The following PCDHGA12 variants were observed in gnomAD, a reference collection of about 807,000 sequenced individuals.
PCDHGA12 encodes protocadherin gamma-A12.
In PCDHGA12, 43 loss-of-function variants were observed where a neutral mutation model predicts 61.1. That is an observed-to-expected ratio of 0.70 (90% CI 0.55 to 0.91). The LOEUF (loss-of-function observed/expected upper bound fraction) is 0.91, where lower values mean the gene tolerates loss of function less well. Among genes scored for constraint, PCDHGA12 ranks in the 40% least tolerant of loss-of-function variants. PCDHGA12 has a pLI of 0.00. For synonymous variants in PCDHGA12, 520 were observed against 542.9 expected (o/e 0.96, Z 0.59); for missense variants, 1,236 against 1,227.7 (o/e 1.01, Z -0.10).
intron 2 of PCDHGA12, among the ~76,000 whole-genome samples, chr5:141,499,029 A>G (rs140948405): frequency 1.5e-3 from 205 of 140,068 alleles, no homozygotes; most frequent in African/African-American, 5.5e-3. Context: ...AGGAAGGAAG[A>G]AAAGAAAGAA....
In PCDHGA12 at chr5:141,489,561, G is replaced by A. The variant is rs1750812409; in HGVS notation, c.2425-5246G>A. 6.2e-7 allele frequency: 1 copy of A among 1,614,106 alleles called. No homozygotes were observed. Among genetic ancestry groups the A allele is most frequent in the Non-Finnish European group, 8.5e-7 (1 of 1,180,026 alleles). On this transcript the variant is annotated intron_variant, in intron 1 of 3. Coordinates refer to ENST00000252085, the MANE Select transcript of PCDHGA12 (RefSeq NM_003735.3). The surrounding 1 kb of genome is among the most constrained non-coding windows in gnomAD (Gnocchi z 4.5). Reference sequence around the variant, plus strand: ...GCACCAGCTGCCTGCTGCCAGTGCAGGTGGTGACTGAACACCCCCTGGAGC... The same window carrying A: ...GCACCAGCTGCCTGCTGCCAGTGCAAGTGGTGACTGAACACCCCCTGGAGC...
intron 1 of PCDHGA12, among the ~76,000 whole-genome samples, chr5:141,454,268 G>A (rs2098785692): frequency 6.6e-6 from 1 of 152,126 alleles, no homozygotes; most frequent in African/African-American, 2.4e-5. Context: ...AGTAATGCCA[G>A]CAAAAACTTC....
intron 3 of PCDHGA12, chr5:141,507,418 A>T (rs2099860509): frequency 6.6e-6 from 1 of 152,204 alleles, no homozygotes; most frequent in Non-Finnish European, 1.5e-5. Context: ...CTGTGAGGTT[A>T]AGTGGGGCCA....
rs2097292247 is a variant in PCDHGA12, at chr5:141,430,551, C to T, written c.-209C>T. 4.9e-6 allele frequency: 2 copies of T among 406,412 alleles called. No homozygotes were observed. The highest frequency in any genetic ancestry group is 4.1e-5 in the Admixed American group (1 of 24,546). The allele number at this position is 406,412 out of a possible 1,614,324, so 25.2% of individuals were successfully genotyped here. A position where few individuals can be genotyped will look rare whatever the true frequency, so the allele number is the denominator to read the frequency against. On this transcript the variant is annotated 5_prime_UTR_variant, in exon 1 of 4. Transcript: ENST00000252085. ...TTAGGACTCTGAGCGCCGCTGTTCA[C>T]CAATCGGGGAGAGAAAAGCGGAGAT... is the stretch of plus-strand genomic sequence containing the variant.
chr5:141,505,190 G>A (rs1326515866), intron 2 of PCDHGA12, among the ~76,000 whole-genome samples: 1 of 152,186 alleles, frequency 6.6e-6, no homozygotes, highest in East Asian at 1.9e-4. Flanking sequence ...ATCGGAGGCA[G>A]CAAAGAGCTG....
rs2099629299 is a variant in PCDHGA12, at chr5:141,486,426, A to G, written c.2425-8381A>G. ...GCTGGACCCTTGGATCGAGAGGCCA[A>G]ATCTAGCTATGACATCATGGTCACT... On this transcript the variant is annotated intron_variant, in intron 1 of 3. Transcript: ENST00000252085. The surrounding 1 kb of genome is among the most constrained non-coding windows in gnomAD (Gnocchi z 5.0). 1.9e-6 allele frequency: 3 copies of G among 1,614,190 alleles called. No individual in the cohort carries two copies. Among genetic ancestry groups the G allele is most frequent in the Non-Finnish European group, 2.5e-6 (3 of 1,180,026 alleles).
In PCDHGA12 at chr5:141,438,090, A is replaced by G. The variant is rs560861677; in HGVS notation, c.2424+4907A>G. 1.2e-4 allele frequency among the ~76,000 whole-genome samples: 18 copies of G among 152,310 alleles called. No individual in the cohort carries two copies. In the South Asian group the frequency reaches 3.5e-3, roughly 30 times the overall value. ...CATACTTAATGGAAAATTACCAGTA[A>G]CAGGGCATACTGTTTAGGATGCATT... On this transcript the variant is annotated intron_variant, in intron 1 of 3. Coordinates refer to ENST00000252085, the MANE Select transcript of PCDHGA12 (RefSeq NM_003735.3).
chr5:141,500,258 G>A lies in PCDHGA12; in HGVS notation c.2484-5135G>A, dbSNP rs2099798463. On this transcript the variant is annotated intron_variant, in intron 2 of 3. Coordinates refer to ENST00000252085, the MANE Select transcript of PCDHGA12 (RefSeq NM_003735.3). ...TAGCCTTGCTCTGTCACCCAGGCTG[G>A]ACTGCAGTGGCGCAATCTCGGCTCA... Among the ~76,000 whole-genome samples the A allele has an allele frequency of 2.0e-5, 3 of 150,738 alleles. No homozygotes were observed. In the South Asian group the frequency reaches 6.3e-4, roughly 32 times the overall value.
intron 1 of PCDHGA12, among the ~76,000 whole-genome samples, chr5:141,450,812 T>A (rs2098694727): frequency 7.5e-6 from 1 of 133,924 alleles, no homozygotes; most frequent in Admixed American, 7.4e-5. Context: ...ATTTATTTAT[T>A]TAATATTATT....
intron 1 of PCDHGA12, among the ~76,000 whole-genome samples, chr5:141,481,245 T>C (rs1362728826): frequency 6.6e-6 from 1 of 152,194 alleles, no homozygotes; most frequent in East Asian, 1.9e-4. Context: ...TTACATAGCA[T>C]AGCTCTAAAA....
chr5:141,507,613 T>G (rs1003099044), intron 3 of PCDHGA12, among the ~76,000 whole-genome samples: 1 of 152,248 alleles, frequency 6.6e-6, no homozygotes, highest in African/African-American at 2.4e-5. Context: ...ACAGGTATAT[T>G]TAGCTGTTGT....
chr5:141,505,210 A>G (rs899138393), intron 2 of PCDHGA12, among the ~76,000 whole-genome samples, 183 bp from the exon 3 acceptor site: 3 of 152,192 alleles, frequency 2.0e-5, no homozygotes, highest in African/African-American at 7.2e-5. Flanking sequence ...GGTTTGAGGG[A>G]CTGACTTGTG....
chr5:141,436,035 A>G (rs957896521), intron 1 of PCDHGA12, among the ~76,000 whole-genome samples: 3 of 152,178 alleles, frequency 2.0e-5, no homozygotes, highest in Non-Finnish European at 4.4e-5. Flanking sequence ...CTAAATTTGT[A>G]TTTACATTAG....
chr5:141,477,978 T>A lies in PCDHGA12; in HGVS notation c.2425-16829T>A. ...TCCCCTAACCAGAGCCTTTTTGCCA[T>A]AGGGCTGCACACTGGTCAAATCAGT... is the stretch of plus-strand genomic sequence containing the variant. On this transcript the variant is annotated intron_variant, in intron 1 of 3. Transcript: ENST00000252085. The surrounding 1 kb of genome is among the most constrained non-coding windows in gnomAD (Gnocchi z 4.9). The A allele has an allele frequency of 6.2e-7, 1 of 1,614,120 alleles. No individual in the cohort carries two copies. Among genetic ancestry groups the A allele is most frequent in the Non-Finnish European group, 8.5e-7 (1 of 1,180,022 alleles).
In PCDHGA12 at chr5:141,485,049, G is replaced by C. The variant is rs1271101804; in HGVS notation, c.2425-9758G>C. On this transcript the variant is annotated intron_variant, in intron 1 of 3. Coordinates refer to ENST00000252085, the MANE Select transcript of PCDHGA12 (RefSeq NM_003735.3). The surrounding 1 kb of genome is among the most constrained non-coding windows in gnomAD (Gnocchi z 5.7). ...AACGGCGCGTAACCCTTGCGGCGCC[G>C]GCCGAACCGCGCCAGAGCTGGCGCG... 1 of 780,438 alleles carries C rather than the reference G, an allele frequency of 1.3e-6. No homozygotes were observed. The highest frequency in any genetic ancestry group is 2.1e-6 in the Non-Finnish European group (1 of 469,234). The allele number at this position is 780,438 out of a possible 1,614,324, so 48.3% of individuals were successfully genotyped here. A position where few individuals can be genotyped will look rare whatever the true frequency, so the allele number is the denominator to read the frequency against.
rs1442570663 is a variant in PCDHGA12, at chr5:141,438,613, TATATATATATATATATATATATACACAC to T, written c.2424+5432_2424+5459del. On this transcript the variant is annotated intron_variant, in intron 1 of 3. Transcript: ENST00000252085. Reference sequence around the variant, plus strand: ...ATACATATATATATATATATATATATATATATATATATATATATATATACACACACACACACACATATATGTATATATA... The same window carrying T: ...ATACATATATATATATATATATATATACACACACACATATATGTATATATA... Among the ~76,000 whole-genome samples, 243 of 36,492 alleles carry T rather than the reference TATATATATATATATATATATATACACAC, an allele frequency of 6.7e-3. 7 individuals are homozygous for T. The highest frequency in any genetic ancestry group is 0.033 in the East Asian group (37 of 1,124). The allele number at this position is 36,492 out of a possible 152,430, so 23.9% of individuals were successfully genotyped here.
chr5:141,494,656 C>CT, intron 1 of PCDHGA12, 151 bp from the exon 2 acceptor site: 1 of 1,478,476 alleles, frequency 6.8e-7, no homozygotes, highest in Non-Finnish European at 9.1e-7. Flanking sequence ...TGTATTTTGT[C>CT]TTTGGAGATG....
chr5:141,444,151 G>T (rs1031944414), intron 1 of PCDHGA12, among the ~76,000 whole-genome samples: 1 of 92,746 alleles, frequency 1.1e-5, no homozygotes, highest in Non-Finnish European at 2.1e-5. Flanking sequence ...GTGTGTACTG[G>T]ATTTTTTTTT....
chr5:141,458,825 C>A (rs1417477907), intron 1 of PCDHGA12, among the ~76,000 whole-genome samples: 1 of 152,102 alleles, frequency 6.6e-6, no homozygotes, highest in Non-Finnish European at 1.5e-5. Context: ...CTCTGCCTCC[C>A]AGGCTCAAGT....
Sources: gnomAD v4.1 joint callset for allele counts (sites outside exome capture counted in the v4.1 genomes callset) on GRCh38, gnomAD v4.1.1 for gene constraint, Gnocchi (gnomAD v3.1) non-coding constraint, MANE v1.5 for transcripts, NCBI Gene and HGNC (gene_info 2026-07-23, HGNC 2026-07-21) for gene names.